GABBR1: variants seen among roughly 807,000 people sequenced by gnomAD.
The protein encoded by GABBR1 is GABA-B receptor, R1 subunit.
GABBR1 carries 35 observed loss-of-function variants against 117.7 expected under a neutral mutation model. The ratio of observed to expected loss-of-function variants is 0.30; its 90% CI spans 0.23 to 0.39. The LOEUF is 0.39. Among genes scored for constraint, GABBR1 ranks in the 10% least tolerant of loss-of-function variants. GABBR1 has a pLI of 1.00. For synonymous variants in GABBR1, 442 were observed against 486.6 expected, an observed-to-expected ratio of 0.91 and a Z score of 1.21; for missense variants, 709 against 1,241.8, an observed-to-expected ratio of 0.57 and a Z score of 6.45.
At position 29,605,427 on chromosome 6, in the gene GABBR1, G is replaced by A. The variant is rs576809553; in HGVS notation, c.2439+142C>T. On this transcript the variant is annotated intron_variant, in intron 20 of 22. Coordinates refer to ENST00000377034, the MANE Select transcript of GABBR1 (RefSeq NM_001470.4). This position sits in a 1 kb window ranked among gnomAD's most constrained non-coding sequence, Gnocchi z 4.2. The stretch of plus-strand genomic sequence containing the variant: ...TAGTGAGCTTTGTAAACTGTAAAGT[G>A]CTTTATAGACCTGAAGAATTAACAA... 2.1e-6 allele frequency: 2 copies of A among 941,372 alleles called. No homozygotes were observed. The highest frequency in any genetic ancestry group is 3.2e-6 in the Non-Finnish European group (2 of 621,348). 58.3% of individuals were successfully genotyped at this position (941,372 alleles called of 1,614,324 possible).
chr6:29,632,398 C>A lies in GABBR1; in HGVS notation c.1-13G>T. 1.5e-6 allele frequency: 2 copies of A among 1,334,976 alleles called. No homozygotes were observed. Among genetic ancestry groups the A allele is most frequent in the Non-Finnish European group, 1.9e-6 (2 of 1,036,786 alleles). The allele number at this position is 1,334,976 out of a possible 1,614,324, so 82.7% of individuals were successfully genotyped here. ...GCAGCAGCAACATCTAAGTGAGAGG[C>A]GGCCATGAGGACTGGACCGAGCCCC... On this transcript the variant is annotated splice_polypyrimidine_tract_variant and intron_variant, in intron 1 of 22. Coordinates refer to ENST00000377034, the MANE Select transcript of GABBR1 (RefSeq NM_001470.4). The surrounding 1 kb of genome is among the most constrained non-coding windows in gnomAD (Gnocchi z 5.8).
At chr6:29,610,371 C>T (rs1286378416) in intron 14 of GABBR1, among the ~76,000 whole-genome samples, 3 of 152,140 alleles carry the variant, frequency 2.0e-5, no homozygotes, top group Admixed American at 6.5e-5. Flanking sequence ...ACTAAACGCC[C>T]GGACTTCACC....
Position 29,622,487 on chromosome 6 carries a change from T to TG in GABBR1, c.964-283dup, listed in dbSNP as rs944834069. ...CCACTCCTACCACTGAAGGCAAAGATGGGGTAAAGAAACATAAAGGAACCA... is the reference window on the plus strand; with the variant it reads ...CCACTCCTACCACTGAAGGCAAAGATGGGGGTAAAGAAACATAAAGGAACCA... On this transcript the variant is annotated intron_variant, in intron 8 of 22. Transcript: ENST00000377034. The surrounding 1 kb of genome is among the most constrained non-coding windows in gnomAD (Gnocchi z 4.6). 13 of 445,360 alleles carry TG rather than the reference T, an allele frequency of 2.9e-5. No homozygotes were observed. Among genetic ancestry groups the TG allele is most frequent in the Non-Finnish European group, 4.9e-5 (12 of 247,370 alleles). 27.6% of individuals were successfully genotyped at this position (445,360 alleles called of 1,614,324 possible). A position where few individuals can be genotyped will look rare whatever the true frequency, so the allele number is the denominator to read the frequency against.
chr6:29,604,639 T>TG lies in GABBR1; in HGVS notation c.2569-3dup. On this transcript the variant is annotated splice_region_variant and splice_polypyrimidine_tract_variant and intron_variant, in intron 21 of 22. Coordinates refer to ENST00000377034, the MANE Select transcript of GABBR1 (RefSeq NM_001470.4). The surrounding 1 kb of genome is among the most constrained non-coding windows in gnomAD (Gnocchi z 5.3). ...CCCTCGGGTGATCAGCCTGCGCATC[T>TG]GGGGGCAAATGTTTGGGCGTGGGGT... is the stretch of plus-strand genomic sequence containing the variant. The TG allele has an allele frequency of 6.2e-7, 1 of 1,613,188 alleles. No homozygotes were observed. The highest frequency in any genetic ancestry group is 1.6e-4 in the Middle Eastern group (1 of 6,062).
At position 29,605,541 on chromosome 6, in the gene GABBR1, G is replaced by T. The variant is rs773728186; in HGVS notation, c.2439+28C>A. ...TCTGGGCTGCTGTGGTCAGCCTACA[G>T]GGTCAATGCCATGGGGTCAGTGCTC... On this transcript the variant is annotated intron_variant, in intron 20 of 22. Coordinates refer to ENST00000377034, the MANE Select transcript of GABBR1 (RefSeq NM_001470.4). This position sits in a 1 kb window ranked among gnomAD's most constrained non-coding sequence, Gnocchi z 4.2. 70 of 1,612,008 alleles carry T rather than the reference G, an allele frequency of 4.3e-5. No homozygotes were observed. The highest frequency in any genetic ancestry group is 5.8e-5 in the Non-Finnish European group (69 of 1,179,690).
rs987552788 is a variant in GABBR1 at position 29,613,718 on chromosome 6, A to G, written c.1324-233T>C. 6.6e-6 allele frequency among the ~76,000 whole-genome samples: 1 copy of G among 152,218 alleles called. No individual in the cohort carries two copies. Among genetic ancestry groups the G allele is most frequent in the Non-Finnish European group, 1.5e-5 (1 of 68,046 alleles). On this transcript the variant is annotated intron_variant, in intron 11 of 22. Coordinates refer to ENST00000377034, the MANE Select transcript of GABBR1 (RefSeq NM_001470.4). The surrounding 1 kb of genome is among the most constrained non-coding windows in gnomAD (Gnocchi z 4.1). Reference sequence around the variant, plus strand: ...TGTGTCTGATGGTGTTAGTGTGTACAGTTGCTAGCTCAGAACTGCAAACAG... The same window carrying G: ...TGTGTCTGATGGTGTTAGTGTGTACGGTTGCTAGCTCAGAACTGCAAACAG...
rs1762319538 is a variant in GABBR1, at chr6:29,609,562, C to T, written c.1709-183G>A. Among the ~76,000 whole-genome samples the T allele has an allele frequency of 6.6e-6, 1 of 152,148 alleles. No individual in the cohort carries two copies. ...TTACTGCAGGCAGAATGCTCAGTGC[C>T]ACTGGGGCCGTTAGGAAGCAACCAG... On this transcript the variant is annotated intron_variant, in intron 14 of 22. Transcript: ENST00000377034. This position sits in a 1 kb window ranked among gnomAD's most constrained non-coding sequence, Gnocchi z 4.3.
At chr6:29,603,782 A>G in intron 22 of GABBR1, 66 bp from the exon 23 acceptor site, 1 of 1,264,846 alleles carries the variant, frequency 7.9e-7, no homozygotes, top group Non-Finnish European at 1.0e-6. Context: ...GGGAGGAGGG[A>G]AAGAGAGGAA....
rs539234421 is a variant in GABBR1, at chr6:29,621,069, A to G, written c.1323+32T>C. Reference sequence around the variant, plus strand: ...CCCCCTCAGTCCTCTCCACCCTCCCAGGTGCCAGACTGCAAGTCCCCACAC... The same window carrying G: ...CCCCCTCAGTCCTCTCCACCCTCCCGGGTGCCAGACTGCAAGTCCCCACAC... On this transcript the variant is annotated intron_variant, in intron 11 of 22. Transcript: ENST00000377034. The surrounding 1 kb of genome is among the most constrained non-coding windows in gnomAD (Gnocchi z 5.0). The G allele has an allele frequency of 6.3e-7, 1 of 1,592,270 alleles. No individual in the cohort carries two copies. The highest frequency in any genetic ancestry group is 1.3e-5 in the African/African-American group (1 of 74,762).
intron 6 of GABBR1, among the ~76,000 whole-genome samples, chr6:29,625,187 G>A (rs542271360): frequency 2.2e-4 from 33 of 152,188 alleles, no homozygotes; most frequent in African/African-American, 8.0e-4. Context: ...GCCAAGGGCA[G>A]TGCTCAACAA....
rs1253857585 is a variant in GABBR1 at position 29,630,936 on chromosome 6, A to G, written c.290-293T>C. On this transcript the variant is annotated intron_variant, in intron 3 of 22. Transcript: ENST00000377034. This position sits in a 1 kb window ranked among gnomAD's most constrained non-coding sequence, Gnocchi z 4.9. ...CAGTGGGCGGTTCTCTGGCTTTGAA[A>G]TATGTAGATGTATATAACTTTGGAT... is the stretch of plus-strand genomic sequence containing the variant. Among the ~76,000 whole-genome samples, 2 of 152,220 alleles carry G rather than the reference A, an allele frequency of 1.3e-5. No homozygotes were observed. The highest frequency in any genetic ancestry group is 4.8e-5 in the African/African-American group (2 of 41,458).
intron 11 of GABBR1, among the ~76,000 whole-genome samples, chr6:29,614,536 G>A (rs779387746): frequency 2.0e-5 from 3 of 152,254 alleles, no homozygotes; most frequent in Admixed American, 1.3e-4. Flanking sequence ...AAAGGGCACA[G>A]GCAAGGTACA....
At chr6:29,628,786 C>T (rs1393103933) in intron 5 of GABBR1, among the ~76,000 whole-genome samples, 6 of 151,984 alleles carry the variant, frequency 3.9e-5, no homozygotes, top group Non-Finnish European at 7.4e-5. Flanking sequence ...CAGGGTCTCC[C>T]AGCACCCTGC....
Position 29,627,714 on chromosome 6 carries a change from C to T in GABBR1, c.497-68G>A. 1 of 1,524,612 alleles carries T rather than the reference C, an allele frequency of 6.6e-7. No homozygotes were observed. The highest frequency in any genetic ancestry group is 8.8e-7 in the Non-Finnish European group (1 of 1,140,172). 94.4% of individuals were successfully genotyped at this position (1,524,612 alleles called of 1,614,324 possible). A position where few individuals can be genotyped will look rare whatever the true frequency, so the allele number is the denominator to read the frequency against. Reference sequence around the variant, plus strand: ...GATGGGGGGAGTGGGAGGCCCACACCGGAGCCACCCCTGCCGCCATCACAA... The same window carrying T: ...GATGGGGGGAGTGGGAGGCCCACACTGGAGCCACCCCTGCCGCCATCACAA... On this transcript the variant is annotated intron_variant, in intron 5 of 22. Coordinates refer to ENST00000377034, the MANE Select transcript of GABBR1 (RefSeq NM_001470.4). This position sits in a 1 kb window ranked among gnomAD's most constrained non-coding sequence, Gnocchi z 4.4.
chr6:29,632,501 G>C lies in GABBR1; in HGVS notation c.1-116C>G. On this transcript the variant is annotated intron_variant, in intron 1 of 22. Coordinates refer to ENST00000377034, the MANE Select transcript of GABBR1 (RefSeq NM_001470.4). This position sits in a 1 kb window ranked among gnomAD's most constrained non-coding sequence, Gnocchi z 5.8. ...AGGCTCCGACCGGGCTCAGCCTGGG[G>C]ACCAAGAGAGCGCCCCGCGGAGGAG... The C allele has an allele frequency of 9.9e-7, 1 of 1,011,956 alleles. No homozygotes were observed. Among genetic ancestry groups the C allele is most frequent in the East Asian group, 3.3e-5 (1 of 30,568 alleles). The allele number at this position is 1,011,956 out of a possible 1,614,324, so 62.7% of individuals were successfully genotyped here.
In GABBR1 at chr6:29,630,198, C is replaced by G; in HGVS notation, c.475+260G>C. 1 of 424,818 alleles carries G rather than the reference C, an allele frequency of 2.4e-6. No homozygotes were observed. Among genetic ancestry groups the G allele is most frequent in the Non-Finnish European group, 4.2e-6 (1 of 238,792 alleles). 26.3% of individuals were successfully genotyped at this position (424,818 alleles called of 1,614,324 possible). A position where few individuals can be genotyped will look rare whatever the true frequency, so the allele number is the denominator to read the frequency against. On this transcript the variant is annotated intron_variant, in intron 4 of 22. Transcript: ENST00000377034. This position sits in a 1 kb window ranked among gnomAD's most constrained non-coding sequence, Gnocchi z 4.9. The stretch of plus-strand genomic sequence containing the variant: ...GAGATTCATAAAGGAAAAGAGAAAA[C>G]GTGAGGTCTAAGAATCGGGAGCAGG...
intron 11 of GABBR1, among the ~76,000 whole-genome samples, chr6:29,619,820 GA>G (rs760272481): frequency 6.6e-6 from 1 of 152,198 alleles, no homozygotes; most frequent in Non-Finnish European, 1.5e-5. Flanking sequence ...TACTCTACAG[GA>G]AAGTGATCTT....
In GABBR1 at chr6:29,630,558, G is replaced by A; in HGVS notation, c.375C>T (p.Ala125=). Residue 125 remains alanine (A), a synonymous_variant, in exon 4 of 23, where the codon GCC becomes GCT. Coordinates refer to ENST00000377034, the MANE Select transcript of GABBR1 (RefSeq NM_001470.4). The surrounding 1 kb of genome is among the most constrained non-coding windows in gnomAD (Gnocchi z 4.9). The stretch of plus-strand genomic sequence containing the variant: ...CGGGGTCACACCGGAAATCCACCCG[G>A]GCTCCGTCCAGAGCTGGGAGGTCCC... ...TGGDLPALDG[A]RVDFRCDPDF... 1 of 1,613,054 alleles carries A rather than the reference G, an allele frequency of 6.2e-7. No individual in the cohort carries two copies. The highest frequency in any genetic ancestry group is 8.5e-7 in the Non-Finnish European group (1 of 1,180,024).
rs779359819 is a variant in GABBR1 at position 29,603,604 on chromosome 6, G to T, written c.2825C>A (p.Pro942His). 4.4e-6 allele frequency: 7 copies of T among 1,583,182 alleles called. No homozygotes were observed. The highest frequency in any genetic ancestry group is 6.0e-6 in the Non-Finnish European group (7 of 1,167,048). ...PEPSGGLPRG[P>H]PEPPDRLSCD... ...GCTAAGCCGGTCGGGGGGCTCAGGG[G>T]GTCCCCTGGGCAGGCCCCCAGAGGG... is the stretch of plus-strand genomic sequence containing the variant. Residue 942 changes from proline to histidine, a missense_variant, in exon 23 of 23, where the codon CCC becomes CAC. Physicochemically the swap from Pro to His is moderately conservative, Grantham distance 77 (BLOSUM62 -2). Transcript: ENST00000377034.
Sources: allele counts gnomAD v4.1 joint callset (sites outside exome capture counted in the v4.1 genomes callset), GRCh38; gene constraint gnomAD v4.1.1; non-coding constraint Gnocchi (gnomAD v3.1); transcripts MANE v1.5; gene names NCBI Gene and HGNC (gene_info 2026-07-23, HGNC 2026-07-21).